Variants in PAPOLA observed in about 807,000 individuals in gnomAD.
PAPOLA encodes the protein polynucleotide adenylyltransferase alpha.
In PAPOLA, 15 loss-of-function variants were observed where a neutral mutation model predicts 100.6. The ratio of observed to expected loss-of-function variants is 0.15; its 90% CI spans 0.10 to 0.23. The LOEUF is 0.23. Among genes scored for constraint, PAPOLA ranks in the 10% least tolerant of loss-of-function variants. The pLI is 1.00. For synonymous variants in PAPOLA, 293 were observed against 300.0 expected (o/e 0.98, Z 0.24); for missense variants, 533 against 884.2 (o/e 0.60, Z 5.04).
intron 5 of PAPOLA, 183 bp downstream of exon 5, chr14:96,527,722 A>C: frequency 1.6e-6 from 1 of 609,406 alleles, no homozygotes; most frequent in Non-Finnish European, 2.9e-6. Flanking sequence ...ACTCATTTAC[A>C]GATTAGGAAA....
At chr14:96,511,550 A>G (rs549140850) in intron 1 of PAPOLA, among the ~76,000 whole-genome samples, 2 of 152,332 alleles carry the variant, frequency 1.3e-5, no homozygotes, top group Admixed American at 1.3e-4. Context: ...ACCTTCTGGC[A>G]TAGTCATGAT....
intron 6 of PAPOLA, 110 bp downstream of exon 6, chr14:96,528,116 T>G (rs1898653626): frequency 1.4e-6 from 1 of 708,398 alleles, no homozygotes; most frequent in Non-Finnish European, 2.6e-6. Flanking sequence ...GGTTGTGATA[T>G]TAATAACAAT....
At chr14:96,533,607 T>A (rs1482128893) in intron 9 of PAPOLA, 1 of 775,222 alleles carries the variant, frequency 1.3e-6, no homozygotes, top group African/African-American at 2.0e-5. Context: ...CAGGCTGGAG[T>A]GCAGTGGCAC....
intron 16 of PAPOLA, among the ~76,000 whole-genome samples, chr14:96,549,934 T>C (rs1900702940): frequency 6.6e-6 from 1 of 152,134 alleles, no homozygotes; most frequent in Non-Finnish European, 1.5e-5. Context: ...AGGAGGATCC[T>C]TTGAGGCTGG....
intron 15 of PAPOLA, 148 bp downstream of exon 15, chr14:96,544,406 A>G (rs1900223808): frequency 1.8e-6 from 1 of 553,394 alleles, no homozygotes; most frequent in African/African-American, 1.9e-5. Flanking sequence ...TATTAGTCTA[A>G]TACAGATTGA....
chr14:96,535,742 C>T (rs781409074), intron 10 of PAPOLA, 137 bp from the exon 11 acceptor site: 37 of 845,648 alleles, frequency 4.4e-5, no homozygotes, highest in Non-Finnish European at 6.0e-5. Context: ...TGTCTCTCTA[C>T]ATGGTTTTTC....
chr14:96,559,579 C>CTATA (rs1171924653), intron 19 of PAPOLA, among the ~76,000 whole-genome samples: 1,489 of 108,354 alleles, frequency 0.014, 13 homozygotes, highest in African/African-American at 0.024. Flanking sequence ...CTCTCTCTCT[C>CTATA]TCTATATATA....
chr14:96,547,241 GC>G (rs1900463778), intron 15 of PAPOLA, among the ~76,000 whole-genome samples: 1 of 151,826 alleles, frequency 6.6e-6, no homozygotes, highest in Non-Finnish European at 1.5e-5. Context: ...ACTTTTTGGG[GC>G]CCTCTGGATC....
intron 4 of PAPOLA, 79 bp from the exon 5 acceptor site, chr14:96,527,351 A>T (rs1266947668): frequency 1.2e-6 from 1 of 846,674 alleles, no homozygotes; most frequent in African/African-American, 1.7e-5. Context: ...GATTCTCAAC[A>T]TCAAATACTA....
intron 9 of PAPOLA, chr14:96,533,818 G>T (rs998073196): frequency 4.6e-6 from 4 of 872,432 alleles, no homozygotes; most frequent in Non-Finnish European, 5.5e-6. Context: ...CTCCCATAGT[G>T]CTGGGATTAC....
intron 16 of PAPOLA, among the ~76,000 whole-genome samples, chr14:96,549,391 G>A (rs1160679780): frequency 6.6e-6 from 1 of 151,858 alleles, no homozygotes; most frequent in Admixed American, 6.6e-5. Flanking sequence ...TGGGACTACA[G>A]GTGCCCACCA....
chr14:96,564,526 T>G (rs1420426757), intron 21 of PAPOLA, among the ~76,000 whole-genome samples: 1 of 152,130 alleles, frequency 6.6e-6, no homozygotes, highest in Non-Finnish European at 1.5e-5. Context: ...CAGAAAATAA[T>G]AAATTTACTG....
intron 17 of PAPOLA, chr14:96,552,892 A>G (rs1900962819): frequency 2.5e-6 from 1 of 393,266 alleles, no homozygotes; most frequent in Admixed American, 4.1e-5. Flanking sequence ...TCATGTATTT[A>G]GATAGCTACT....
intron 19 of PAPOLA, among the ~76,000 whole-genome samples, chr14:96,558,556 A>G (rs1305256532): frequency 1.3e-5 from 2 of 152,178 alleles, no homozygotes; most frequent in Non-Finnish European, 2.9e-5. Flanking sequence ...AAAAGCAATA[A>G]GAATATAGAA....
In PAPOLA at chr14:96,565,350, A is replaced by G. The variant is rs1285796233; in HGVS notation, c.*300A>G. The G allele has an allele frequency of 1.6e-5, 5 of 312,492 alleles. No individual in the cohort carries two copies. The highest frequency in any genetic ancestry group is 2.9e-5 in the Non-Finnish European group (5 of 171,048). 19.4% of individuals were successfully genotyped at this position (312,492 alleles called of 1,614,324 possible). On this transcript the variant is annotated 3_prime_UTR_variant, in exon 22 of 22. Coordinates refer to ENST00000216277, the MANE Select transcript of PAPOLA (RefSeq NM_032632.5). Reference sequence around the variant, plus strand: ...CATAATTGACATCTGGATTGGGTTTATGTTTGATGCATTGTTTGGAAAATT... The same window carrying G: ...CATAATTGACATCTGGATTGGGTTTGTGTTTGATGCATTGTTTGGAAAATT...
At chr14:96,510,340 G>T (rs1483281442) in intron 1 of PAPOLA, among the ~76,000 whole-genome samples, 1 of 149,894 alleles carries the variant, frequency 6.7e-6, no homozygotes, top group Non-Finnish European at 1.5e-5. Context: ...TTCAGGTCCT[G>T]TTTCATACTT....
At chr14:96,558,527 T>C (rs2140332598) in intron 19 of PAPOLA, among the ~76,000 whole-genome samples, 1 of 152,312 alleles carries the variant, frequency 6.6e-6, no homozygotes, top group African/African-American at 2.4e-5. Flanking sequence ...ATAACACTTG[T>C]GTTTCTTGTC....
chr14:96,528,907 CAG>C, intron 6 of PAPOLA, among the ~76,000 whole-genome samples: 1 of 152,210 alleles, frequency 6.6e-6, no homozygotes, highest in African/African-American at 2.4e-5. Flanking sequence ...GATTTACTGT[CAG>C]TGTTTTAAGT....
chr14:96,531,025 C>T (rs188257684), intron 6 of PAPOLA, among the ~76,000 whole-genome samples: 7 of 151,212 alleles, frequency 4.6e-5, no homozygotes, highest in Admixed American at 2.0e-4. Context: ...GTTTTTGAGA[C>T]GGAGTGTTGC....
Sources: gnomAD v4.1 joint callset for allele counts (sites outside exome capture counted in the v4.1 genomes callset) on GRCh38, gnomAD v4.1.1 for gene constraint, MANE v1.5 for transcripts, NCBI Gene and HGNC (gene_info 2026-07-23, HGNC 2026-07-21) for gene names.